The following NDUFA5 variants were observed in gnomAD, a reference collection of about 807,000 sequenced individuals.
NDUFA5 encodes the protein NADH:ubiquinone oxidoreductase subunit A5, also known as NADH dehydrogenase [ubiquinone] 1 alpha subcomplex subunit 5.
NDUFA5 carries 11 observed loss-of-function variants against 19.8 expected under a neutral mutation model. That is an observed-to-expected ratio of 0.56 (90% CI 0.35 to 0.92). The LOEUF (loss-of-function observed/expected upper bound fraction) is 0.92. Among genes scored for constraint, NDUFA5 ranks in the 40% least tolerant of loss-of-function variants. NDUFA5 has a pLI of 0.01. For synonymous variants in NDUFA5, 47 were observed against 46.8 expected (o/e 1.00, Z -0.01); for missense variants, 109 against 134.2 (o/e 0.81, Z 0.93).
chr7:123,598,861 A>AGGGG, the NDUFA5 span: 1 of 152,220 alleles, frequency 6.6e-6, no homozygotes, highest in African/African-American at 2.4e-5. Context: ...GGATTCTTCC[A>AGGGG]GGGGCCTGTG....
the NDUFA5 span, among the ~76,000 whole-genome samples, chr7:123,601,587 T>C: frequency 6.6e-6 from 1 of 152,192 alleles, no homozygotes; most frequent in African/African-American, 2.4e-5. Context: ...TTTGGTTTTG[T>C]TCCATCAGTA....
At chr7:123,570,425 G>A in the NDUFA5 span, among the ~76,000 whole-genome samples, 4 of 152,016 alleles carry the variant, frequency 2.6e-5, no homozygotes, top group African/African-American at 9.7e-5. Flanking sequence ...CTTCCACCGA[G>A]AGTGGCAGGG....
the NDUFA5 span, among the ~76,000 whole-genome samples, chr7:123,600,600 A>T: frequency 2.0e-5 from 3 of 152,238 alleles, no homozygotes; most frequent in Non-Finnish European, 4.4e-5. Flanking sequence ...AATAATGATA[A>T]AATGTAGACA....
At chr7:123,574,617 A>G in the NDUFA5 span, among the ~76,000 whole-genome samples, 5 of 152,162 alleles carry the variant, frequency 3.3e-5, no homozygotes, top group African/African-American at 1.2e-4. Context: ...GTAGCATCAT[A>G]TCTACATTCC....
chr7:123,587,586 T>C, the NDUFA5 span, among the ~76,000 whole-genome samples: 4 of 151,806 alleles, frequency 2.6e-5, no homozygotes, highest in Non-Finnish European at 4.4e-5. Context: ...CTATATTGAA[T>C]AGAAGTGACG....
At chr7:123,582,657 T>C in the NDUFA5 span, among the ~76,000 whole-genome samples, 1 of 151,878 alleles carries the variant, frequency 6.6e-6, no homozygotes, top group Non-Finnish European at 1.5e-5. Flanking sequence ...ATACATTATC[T>C]CGAAAACTCC....
the NDUFA5 span, among the ~76,000 whole-genome samples, chr7:123,599,532 A>C: frequency 6.6e-6 from 1 of 152,242 alleles, no homozygotes; most frequent in Non-Finnish European, 1.5e-5. Flanking sequence ...ACCTGTGGGC[A>C]AAGTGAGGCT....
At chr7:123,543,363 G>A (rs1046358718) in intron 4 of NDUFA5, among the ~76,000 whole-genome samples, 1 of 152,002 alleles carries the variant, frequency 6.6e-6, no homozygotes, top group Non-Finnish European at 1.5e-5. Context: ...GGCCCCTGAT[G>A]CCTATTTCCT....
At chr7:123,572,097 GTTTTACAGTGA>G in the NDUFA5 span, among the ~76,000 whole-genome samples, 97 of 98,352 alleles carry the variant, frequency 9.9e-4, no homozygotes, top group African/African-American at 3.4e-3. Context: ...CAGTTGTCTT[GTTTTACAGTGA>G]TTTTACAGTG....
the NDUFA5 span, among the ~76,000 whole-genome samples, chr7:123,579,010 T>C: frequency 4.6e-5 from 7 of 152,068 alleles, no homozygotes; most frequent in African/African-American, 1.4e-4. Context: ...AACAGCCAAA[T>C]AGTGATTGTA....
chr7:123,545,331 C>T (rs995878897), intron 4 of NDUFA5, among the ~76,000 whole-genome samples: 3 of 151,998 alleles, frequency 2.0e-5, no homozygotes, highest in Non-Finnish European at 4.4e-5. Flanking sequence ...TATTGTGCTA[C>T]CAATTTAAAC....
At chr7:123,581,314 A>C in the NDUFA5 span, among the ~76,000 whole-genome samples, 2 of 151,738 alleles carry the variant, frequency 1.3e-5, no homozygotes, top group African/African-American at 4.8e-5. Flanking sequence ...ATCATCAGTA[A>C]TTAATTTATC....
At position 123,550,224 on chromosome 7, in the gene NDUFA5, G is replaced by A. The variant is rs936576737; in HGVS notation, c.183+246C>T. The A allele has an allele frequency of 2.2e-5, 8 of 363,998 alleles. No individual in the cohort carries two copies. In the Admixed American group the frequency reaches 2.5e-4, roughly 11 times the overall value. 22.5% of individuals were successfully genotyped at this position (363,998 alleles called of 1,614,324 possible). ...ACTAAATAGTGAAGAGAGGTAAAAG[G>A]AACAGCTACAATGTTACTTCAAGGA... On this transcript the variant is annotated intron_variant, in intron 3 of 4. Transcript: ENST00000355749.
chr7:123,557,248 C>G, intron 2 of NDUFA5, 156 bp downstream of exon 2: 1 of 1,007,496 alleles, frequency 9.9e-7, no homozygotes, highest in Non-Finnish European at 1.5e-6. Context: ...ATCGGATCAA[C>G]GAAGTAGGTG....
chr7:123,573,619 C>A, the NDUFA5 span, among the ~76,000 whole-genome samples: 1 of 152,030 alleles, frequency 6.6e-6, no homozygotes, highest in South Asian at 2.1e-4. Flanking sequence ...TAGCAATCAA[C>A]ATAGTTTTTC....
At chr7:123,545,740 TA>T (rs1554375006) in intron 3 of NDUFA5, 64 bp from the exon 4 acceptor site, 1 of 1,044,870 alleles carries the variant, frequency 9.6e-7, no homozygotes, top group Non-Finnish European at 1.4e-6. Context: ...ATATCCTATA[TA>T]TTTTAAAATT....
chr7:123,594,217 G>A, the NDUFA5 span, among the ~76,000 whole-genome samples: 1 of 151,962 alleles, frequency 6.6e-6, no homozygotes, highest in Non-Finnish European at 1.5e-5. Flanking sequence ...CTTGCAATGG[G>A]TTAGAACATG....
chr7:123,549,245 G>A (rs1471704587), intron 3 of NDUFA5, among the ~76,000 whole-genome samples: 1 of 151,280 alleles, frequency 6.6e-6, no homozygotes, highest in African/African-American at 2.4e-5. Context: ...ATGTAATGAA[G>A]TATAATGGAA....
rs1797920737 is a variant in NDUFA5 at position 123,540,915 on chromosome 7, C to CACACAA, written c.*1203_*1204insTTGTGT. 6.5e-6 allele frequency: 1 copy of CACACAA among 152,780 alleles called. No individual in the cohort carries two copies. The highest frequency in any genetic ancestry group is 1.5e-5 in the Non-Finnish European group (1 of 68,756). 9.5% of individuals were successfully genotyped at this position (152,780 alleles called of 1,614,324 possible). ...GCACACACACACACACACACACACA[C>CACACAA]ACACACACACACACACACACGTATA... On this transcript the variant is annotated 3_prime_UTR_variant, in exon 5 of 5. Transcript: ENST00000355749.
Sources: gnomAD v4.1 joint callset for allele counts (sites outside exome capture counted in the v4.1 genomes callset) on GRCh38, gnomAD v4.1.1 for gene constraint, MANE v1.5 for transcripts, NCBI Gene and HGNC (gene_info 2026-07-23, HGNC 2026-07-21) for gene names.